Variants in C1QB observed in about 807,000 individuals in gnomAD.
C1QB encodes complement C1q B chain.
C1QB carries 2 observed loss-of-function variants against 4.6 expected under a neutral mutation model. The observed-to-expected ratio is 0.43, with a 90% confidence interval of 0.18 to 1.36. C1QB has a LOEUF of 1.36. Ranked by LOEUF, C1QB falls within the 40% of genes most tolerant of loss-of-function variation. The pLI is 0.28. For missense variants in C1QB, 292 were observed against 338.0 expected, an observed-to-expected ratio of 0.86 and a Z score of 1.07; for synonymous variants, 132 against 137.1, an observed-to-expected ratio of 0.96 and a Z score of 0.26.
In C1QB at chr1:22,660,972, C is replaced by A. The variant is rs1190273432; in HGVS notation, c.342C>A (p.Tyr114Ter). The stretch of plus-strand genomic sequence containing the variant: ...GCCCCAAAGGTGAATCGGGAGACTA[C>A]AAGGCCACCCAGAAAATCGCCTTCT... The part of the protein sequence containing the change: ...APGPKGESGD[Y>*]KATQKIAFSA... Residue 114 changes from tyrosine (Y) to a stop codon, truncating the protein, a stop_gained, in exon 3 of 3, where the codon TAC becomes TAA. Coordinates refer to ENST00000509305, the MANE Select transcript of C1QB (RefSeq NM_001378156.1). LOFTEE classifies it low-confidence loss of function (END_TRUNC). The A allele has an allele frequency of 6.2e-7, 1 of 1,614,026 alleles. No homozygotes were observed. Among genetic ancestry groups the A allele is most frequent in the Non-Finnish European group, 8.5e-7 (1 of 1,179,980 alleles).
In C1QB at chr1:22,660,465, G is replaced by A. The variant is rs1245170497; in HGVS notation, c.182-347G>A. Among the ~76,000 whole-genome samples, 10 of 152,264 alleles carry A rather than the reference G, an allele frequency of 6.6e-5. No homozygotes were observed. In the East Asian group the frequency reaches 1.7e-3, roughly 27 times the overall value. On this transcript the variant is annotated intron_variant, in intron 2 of 2. Coordinates refer to ENST00000509305, the MANE Select transcript of C1QB (RefSeq NM_001378156.1). ...CAAGAGTGAAGGCCATGGTTGATTA[G>A]GGATGTCTGCCAGGGGTGAGGGATA...
intron 1 of C1QB, among the ~76,000 whole-genome samples, chr1:22,653,816 C>T (rs1049903300): frequency 6.6e-6 from 1 of 152,210 alleles, no homozygotes; most frequent in African/African-American, 2.4e-5. Flanking sequence ...CTTATTTCCT[C>T]ATACTCGCTG....
In C1QB at chr1:22,661,081, T is replaced by C; in HGVS notation, c.451T>C (p.Tyr151His). The change falls in exon 3 of 3, where the codon TAT (tyrosine) becomes CAT (histidine). Residue 151 changes from tyrosine to histidine, a missense_variant. By Grantham distance (83) the Tyr-to-His change is moderately conservative (BLOSUM62 2). Coordinates refer to ENST00000509305, the MANE Select transcript of C1QB (RefSeq NM_001378156.1). ...DHVITNMNNN[Y>H]EPRSGKFTCK... Reference sequence around the variant, plus strand: ...CGTGATCACCAACATGAACAACAATTATGAGCCCCGCAGTGGCAAGTTCAC... The same window carrying C: ...CGTGATCACCAACATGAACAACAATCATGAGCCCCGCAGTGGCAAGTTCAC... 6.2e-7 allele frequency: 1 copy of C among 1,613,940 alleles called. No individual in the cohort carries two copies. Among genetic ancestry groups the C allele is most frequent in the Non-Finnish European group, 8.5e-7 (1 of 1,179,968 alleles).
At chr1:22,660,729 G>C in intron 2 of C1QB, 83 bp from the exon 3 acceptor site, 2 of 1,385,874 alleles carry the variant, frequency 1.4e-6, no homozygotes, top group Non-Finnish European at 2.0e-6. Flanking sequence ...CTCAGAGAGA[G>C]GCAGGGCCCT....
At position 22,660,800 on chromosome 1, in the gene C1QB, C is replaced by T. The variant is rs1642607643; in HGVS notation, c.182-12C>T. 1.2e-6 allele frequency: 2 copies of T among 1,613,760 alleles called. No individual in the cohort carries two copies. Among genetic ancestry groups the T allele is most frequent in the Non-Finnish European group, 1.7e-6 (2 of 1,179,920 alleles). On this transcript the variant is annotated splice_polypyrimidine_tract_variant and intron_variant, in intron 2 of 2. Coordinates refer to ENST00000509305, the MANE Select transcript of C1QB (RefSeq NM_001378156.1). ...CTCAGTGATCTCACTTCTTTGGTCT[C>T]TGCTTTTCCAGGGCTTCCAGGGCTG...
chr1:22,657,704 C>T (rs539969239), intron 1 of C1QB, among the ~76,000 whole-genome samples: 22 of 152,288 alleles, frequency 1.4e-4, no homozygotes, highest in African/African-American at 4.8e-4. Context: ...TTCAATACCA[C>T]TAAAATGCTT....
intron 2 of C1QB, among the ~76,000 whole-genome samples, chr1:22,660,361 T>C (rs966452378): frequency 6.6e-6 from 1 of 152,126 alleles, no homozygotes; most frequent in Non-Finnish European, 1.5e-5. Context: ...GGTCTTATCT[T>C]GTGTTGTGCC....
At position 22,660,972 on chromosome 1, in the gene C1QB, CAA is replaced by C. The variant is rs1262071930; in HGVS notation, c.343_344del (p.Lys115GlyfsTer37). On this transcript the variant is annotated frameshift_variant, in exon 3 of 3. Coordinates refer to ENST00000509305, the MANE Select transcript of C1QB (RefSeq NM_001378156.1). LOFTEE classifies it low-confidence loss of function (END_TRUNC). The part of the protein sequence containing the change: ...PGPKGESGDY[K>X]ATQKIAFSAT... ...GCCCCAAAGGTGAATCGGGAGACTA[CAA>C]GGCCACCCAGAAAATCGCCTTCTCT... 6.2e-7 allele frequency: 1 copy of C among 1,613,908 alleles called. No homozygotes were observed. The highest frequency in any genetic ancestry group is 8.5e-7 in the Non-Finnish European group (1 of 1,179,988).
At chr1:22,660,766 T>C (rs777445412) in intron 2 of C1QB, 46 bp from the exon 3 acceptor site, 8 of 1,599,934 alleles carry the variant, frequency 5.0e-6, no homozygotes, top group Non-Finnish European at 6.0e-6. Flanking sequence ...CAGGCCTCCT[T>C]CTTTTGGTCT....
intron 1 of C1QB, among the ~76,000 whole-genome samples, chr1:22,659,169 GAGAT>G (rs1418508324): frequency 1.4e-5 from 2 of 146,210 alleles, no homozygotes; most frequent in African/African-American, 2.6e-5. Context: ...GAGGGATAGA[GAGAT>G]GGATGGATGG....
At position 22,659,618 on chromosome 1, in the gene C1QB, G is replaced by A. The variant is rs147623518; in HGVS notation, c.156G>A (p.Gly52=). ...PGTPGPDGQP[G]TPGIKGEKGL... ...CACCTGGCCCCGATGGCCAACCTGGGACCCCAGGGATAAAAGGAGAGAAAG... is the reference window on the plus strand; with the variant it reads ...CACCTGGCCCCGATGGCCAACCTGGAACCCCAGGGATAAAAGGAGAGAAAG... The change falls in exon 2 of 3, where the codon GGG becomes GGA. Residue 52 remains glycine, a synonymous_variant. Coordinates refer to ENST00000509305, the MANE Select transcript of C1QB (RefSeq NM_001378156.1). 2.5e-4 allele frequency: 406 copies of A among 1,613,480 alleles called. 2 individuals are homozygous for A. Among genetic ancestry groups the A allele is most frequent in the East Asian group, 6.7e-5 (3 of 44,886 alleles).
chr1:22,654,820 G>A (rs1642508577), intron 1 of C1QB, among the ~76,000 whole-genome samples: 2 of 152,220 alleles, frequency 1.3e-5, no homozygotes, highest in South Asian at 4.1e-4. Context: ...CATCGTGGTG[G>A]TAAAAAGCCA....
intron 2 of C1QB, among the ~76,000 whole-genome samples, chr1:22,660,118 G>A (rs916182898): frequency 4.6e-5 from 7 of 152,086 alleles, no homozygotes; most frequent in Admixed American, 6.6e-5. Context: ...TTAACCTACC[G>A]TTATAGAGCA....
At position 22,661,342 on chromosome 1, in the gene C1QB, A is replaced by G. The variant is rs760093246; in HGVS notation, c.712A>G (p.Ser238Gly). ...NSLLGMEGAN[S>G]IFSGFLLFPD... ...ACTACTGGGCATGGAGGGTGCCAACAGCATCTTTTCCGGGTTCCTGCTCTT... is the reference window on the plus strand; with the variant it reads ...ACTACTGGGCATGGAGGGTGCCAACGGCATCTTTTCCGGGTTCCTGCTCTT... The change falls in exon 3 of 3, where the codon AGC becomes GGC. Residue 238 changes from serine (S) to glycine (G), a missense_variant. Physicochemically the swap from Ser to Gly is moderately conservative, Grantham distance 56 (BLOSUM62 0). Transcript: ENST00000509305. 6.2e-7 allele frequency: 1 copy of G among 1,613,972 alleles called. No homozygotes were observed. Among genetic ancestry groups the G allele is most frequent in the South Asian group, 1.1e-5 (1 of 91,064 alleles).
Position 22,661,251 on chromosome 1 carries a change from C to T in C1QB, c.621C>T (p.Thr207=), listed in dbSNP as rs149718049. 7.2e-4 allele frequency: 1,161 copies of T among 1,613,244 alleles called. 2 individuals carry two copies. Among genetic ancestry groups the T allele is most frequent in the Non-Finnish European group, 9.2e-4 (1,085 of 1,179,390 alleles). ...DYAYNTFQVT[T]GGMVLKLEQG... is the part of the protein sequence containing the mutation. ...CCTACAACACCTTCCAGGTCACCAC[C>T]GGTGGCATGGTCCTCAAGCTGGAGC... Residue 207 remains threonine, a synonymous_variant, in exon 3 of 3, where the codon ACC becomes ACT. Transcript: ENST00000509305.
chr1:22,660,781 G>T, intron 2 of C1QB, 31 bp from the exon 3 acceptor site: 1 of 1,611,086 alleles, frequency 6.2e-7, no homozygotes, highest in Non-Finnish European at 8.5e-7. Context: ...TGGTCTCAGT[G>T]ATCTCACTTC....
intron 1 of C1QB, among the ~76,000 whole-genome samples, chr1:22,656,600 C>T (rs1178993883): frequency 6.6e-6 from 1 of 152,208 alleles, no homozygotes; most frequent in Non-Finnish European, 1.5e-5. Context: ...TCTGCTCTCA[C>T]ACCACAACAA....
In C1QB at chr1:22,661,539, G is replaced by A. The variant is rs1642623154; in HGVS notation, c.*153G>A. The stretch of plus-strand genomic sequence containing the variant: ...ATAAACTCTTCAAGGCCAAGGGACA[G>A]TGGTCTAATTCAACTCTGTGTCCCA... On this transcript the variant is annotated 3_prime_UTR_variant, in exon 3 of 3. Coordinates refer to ENST00000509305, the MANE Select transcript of C1QB (RefSeq NM_001378156.1). The A allele has an allele frequency of 2.3e-6, 2 of 863,870 alleles. No individual in the cohort carries two copies. The highest frequency in any genetic ancestry group is 1.8e-6 in the Non-Finnish European group (1 of 543,074). 53.5% of individuals were successfully genotyped at this position (863,870 alleles called of 1,614,324 possible). A position where few individuals can be genotyped will look rare whatever the true frequency, so the allele number is the denominator to read the frequency against.
At position 22,659,388 on chromosome 1, in the gene C1QB, ATG is replaced by A. The variant is rs1164788953; in HGVS notation, c.-23-51_-23-50del. On this transcript the variant is annotated intron_variant, in intron 1 of 2. Transcript: ENST00000509305. ...GATGGATGGATGGATGGATGGATGG[ATG>A]GATGATAGGATCACCACGGTGGTAA... 162 of 1,492,594 alleles carry A rather than the reference ATG, an allele frequency of 1.1e-4. 1 individual carries two copies. The African/African-American group carries it at 2.0e-3, about 19-fold the overall frequency. 92.5% of individuals were successfully genotyped at this position (1,492,594 alleles called of 1,614,324 possible).
Sources: allele counts gnomAD v4.1 joint callset (sites outside exome capture counted in the v4.1 genomes callset), GRCh38; gene constraint gnomAD v4.1.1; transcripts MANE v1.5; gene names NCBI Gene and HGNC (gene_info 2026-07-23, HGNC 2026-07-21).